ATP6V0A1: variants seen among roughly 807,000 people sequenced by gnomAD.
The protein encoded by ATP6V0A1 is V-type proton ATPase 116 kDa subunit a 1.
A neutral mutation model predicts 105.4 loss-of-function variants in ATP6V0A1; 43 were observed. That is an observed-to-expected ratio of 0.41 (90% confidence interval 0.32 to 0.53). ATP6V0A1 has a LOEUF of 0.53. Ranked by LOEUF, ATP6V0A1 falls within the 20% of genes least tolerant of loss-of-function variation. The probability of loss-of-function intolerance (pLI) is 0.30; values close to 1 mark genes in which losing one functional copy is unlikely to be tolerated. For missense variants in ATP6V0A1, 676 were observed against 1,051.1 expected, an observed-to-expected ratio of 0.64 and a Z score of 4.93; for synonymous variants, 362 against 372.8, an observed-to-expected ratio of 0.97 and a Z score of 0.33.
chr17:42,481,874 C>T (rs1259154316), intron 8 of ATP6V0A1, among the ~76,000 whole-genome samples: 1 of 152,116 alleles, frequency 6.6e-6, no homozygotes, highest in African/African-American at 2.4e-5. Context: ...CAGAGTCTTG[C>T]GCTGCCACCC....
At chr17:42,482,650 A>G (rs2089660822) in intron 8 of ATP6V0A1, among the ~76,000 whole-genome samples, 1 of 151,662 alleles carries the variant, frequency 6.6e-6, no homozygotes, top group Non-Finnish European at 1.5e-5. Context: ...TAATCTCAGC[A>G]CTTTGGGAGG....
intron 19 of ATP6V0A1, among the ~76,000 whole-genome samples, chr17:42,513,134 A>C (rs147411655): frequency 2.1e-4 from 32 of 152,334 alleles, no homozygotes; most frequent in Non-Finnish European, 4.0e-4. Flanking sequence ...GAGCTTGAGG[A>C]AAACGAAAAC....
chr17:42,459,038 CTTGA>C (rs1334987808), intron 1 of ATP6V0A1, 75 bp downstream of exon 1: 1 of 152,388 alleles, frequency 6.6e-6, no homozygotes, highest in Non-Finnish European at 1.5e-5. Flanking sequence ...TAAGAGCCCC[CTTGA>C]TTGTCAGAGG....
chr17:42,469,611 C>T (rs1163567433), intron 4 of ATP6V0A1, among the ~76,000 whole-genome samples: 6 of 152,094 alleles, frequency 3.9e-5, no homozygotes, highest in Admixed American at 3.3e-4. Flanking sequence ...GCTGGGATTA[C>T]AGGAGTGAGT....
At chr17:42,473,593 C>T (rs976667202) in intron 5 of ATP6V0A1, among the ~76,000 whole-genome samples, 2 of 152,178 alleles carry the variant, frequency 1.3e-5, no homozygotes, top group Admixed American at 1.3e-4. Flanking sequence ...GAGCTTAATT[C>T]TTTTACCTTC....
intron 2 of ATP6V0A1, among the ~76,000 whole-genome samples, chr17:42,462,035 C>T (rs1053717550): frequency 4.9e-5 from 7 of 143,384 alleles, no homozygotes; most frequent in Admixed American, 2.1e-4. Flanking sequence ...AGGGAGATCC[C>T]GTCTCTGCCA....
intron 10 of ATP6V0A1, among the ~76,000 whole-genome samples, chr17:42,488,342 A>G (rs2090308324): frequency 6.6e-6 from 1 of 152,220 alleles, no homozygotes; most frequent in South Asian, 2.1e-4. Flanking sequence ...GGTAGTTTGG[A>G]ACTTAATTGT....
intron 9 of ATP6V0A1, among the ~76,000 whole-genome samples, chr17:42,485,512 A>G (rs1242136897): frequency 6.6e-6 from 1 of 151,440 alleles, no homozygotes; most frequent in East Asian, 1.9e-4. Flanking sequence ...GCATCCTTCT[A>G]GAAGAAGGGT....
chr17:42,477,792 T>G, intron 6 of ATP6V0A1, 50 bp downstream of exon 6: 45 of 1,462,746 alleles, frequency 3.1e-5, no homozygotes, highest in Non-Finnish European at 4.0e-5. Flanking sequence ...TGTTCATCTC[T>G]TCTGTTCAGA....
At position 42,513,987 on chromosome 17, in the gene ATP6V0A1, C is replaced by T. The variant is rs372131238; in HGVS notation, c.2248+9C>T. 1.9e-6 allele frequency: 3 copies of T among 1,611,096 alleles called. No homozygotes were observed. In the East Asian group the frequency reaches 6.7e-5, roughly 36 times the overall value. ...CAGCCTCGCTCATGCGCGTGAGTAC[C>T]TCTCTCCGGGCTCCGGAACTCTAGT... is the stretch of plus-strand genomic sequence containing the variant. On this transcript the variant is annotated intron_variant, in intron 20 of 21. Coordinates refer to ENST00000343619, the MANE Select transcript of ATP6V0A1 (RefSeq NM_001130021.3).
At chr17:42,520,387 C>T (rs1224244808) in intron 21 of ATP6V0A1, 1 of 456,024 alleles carries the variant, frequency 2.2e-6, no homozygotes, top group South Asian at 1.5e-5. Context: ...GACCATCAGG[C>T]ATGGATGCTG....
At chr17:42,508,467 A>T in intron 18 of ATP6V0A1, 105 bp from the exon 19 acceptor site, 1 of 1,460,336 alleles carries the variant, frequency 6.8e-7, no homozygotes, top group Non-Finnish European at 9.6e-7. Flanking sequence ...TAGCCCATTT[A>T]ACATGAACAG....
intron 14 of ATP6V0A1, among the ~76,000 whole-genome samples, chr17:42,498,590 G>A (rs577761298): frequency 8.3e-4 from 126 of 152,282 alleles, no homozygotes; most frequent in African/African-American, 3.0e-3. Flanking sequence ...CACTTTGGGA[G>A]GCTGAGGCGG....
intron 5 of ATP6V0A1, among the ~76,000 whole-genome samples, chr17:42,474,183 A>G (rs188705462): frequency 2.6e-5 from 4 of 152,012 alleles, no homozygotes; most frequent in South Asian, 4.2e-4. Flanking sequence ...TTGTAGTTTT[A>G]GTAGAGACGG....
Position 42,490,619 on chromosome 17 carries a change from T to C in ATP6V0A1, c.1156T>C (p.Tyr386His). 6.3e-7 allele frequency: 1 copy of C among 1,594,304 alleles called. No homozygotes were observed. The highest frequency in any genetic ancestry group is 1.2e-5 in the South Asian group (1 of 86,654). The change falls in exon 11 of 22, where the codon TAC becomes CAC. Residue 386 changes from tyrosine (Y) to histidine (H), a missense_variant. Tyr to His is a moderately conservative substitution (Grantham distance 83, BLOSUM62 2). Transcript: ENST00000343619. Reference protein sequence around the residue: ...NIVDAYGIGTYREINPAPYTI... With the variant: ...NIVDAYGIGTHREINPAPYTI... ...AGTAGATGCTTATGGAATTGGAACT[T>C]ACCGAGAGATAAATCCAGGTAAAAA...
At chr17:42,474,763 T>G (rs923642840) in intron 5 of ATP6V0A1, among the ~76,000 whole-genome samples, 1 of 152,218 alleles carries the variant, frequency 6.6e-6, no homozygotes, top group Non-Finnish European at 1.5e-5. Context: ...AATCAATAAT[T>G]CACAGTAATG....
intron 2 of ATP6V0A1, among the ~76,000 whole-genome samples, chr17:42,463,742 G>A (rs2086710043): frequency 6.6e-6 from 1 of 152,104 alleles, no homozygotes; most frequent in Non-Finnish European, 1.5e-5. Context: ...TCAAAAATCT[G>A]CATACAATTT....
chr17:42,467,312 T>A (rs1168543907), intron 3 of ATP6V0A1, among the ~76,000 whole-genome samples: 2 of 152,202 alleles, frequency 1.3e-5, no homozygotes, highest in African/African-American at 4.8e-5. Context: ...TGACTTGCCC[T>A]AGATCATAAA....
intron 19 of ATP6V0A1, among the ~76,000 whole-genome samples, chr17:42,511,957 G>A (rs1159625780): frequency 6.6e-6 from 1 of 151,744 alleles, no homozygotes; most frequent in South Asian, 2.1e-4. Flanking sequence ...GTGAAACTCC[G>A]TCTCAAAAAA....
Sources: gnomAD v4.1 joint callset for allele counts (sites outside exome capture counted in the v4.1 genomes callset) on GRCh38, gnomAD v4.1.1 for gene constraint, MANE v1.5 for transcripts, NCBI Gene and HGNC (gene_info 2026-07-23, HGNC 2026-07-21) for gene names.